GPC5: variants seen among roughly 807,000 people sequenced by gnomAD.
GPC5 encodes glypican-5.
In GPC5, 47 loss-of-function variants were observed where a neutral mutation model predicts 53.9. The observed-to-expected ratio is 0.87, with a 90% CI of 0.69 to 1.11. The LOEUF is 1.11. Ranked by LOEUF, GPC5 falls within the 50% of genes most tolerant of loss-of-function variation. GPC5 has a pLI of 0.00. For missense variants in GPC5, 748 were observed against 713.1 expected (o/e 1.05, Z -0.56); for synonymous variants, 286 against 263.3 (o/e 1.09, Z -0.84).
At chr13:91,617,463 G>C (rs1566556653) in intron 2 of GPC5, among the ~76,000 whole-genome samples, 2 of 152,112 alleles carry the variant, frequency 1.3e-5, no homozygotes, top group African/African-American at 4.8e-5. Flanking sequence ...AGGACATTAG[G>C]TATTAGTGGA....
chr13:92,775,031 TA>T (rs766680770), intron 7 of GPC5, among the ~76,000 whole-genome samples: 2 of 152,224 alleles, frequency 1.3e-5, no homozygotes, highest in Non-Finnish European at 2.9e-5. Flanking sequence ...TCCATTTCTT[TA>T]CATTGAAAAT....
chr13:91,479,229 C>A (rs1374999575), intron 2 of GPC5, among the ~76,000 whole-genome samples: 2 of 151,932 alleles, frequency 1.3e-5, no homozygotes, highest in African/African-American at 4.8e-5. Flanking sequence ...TAATATATTT[C>A]ATTTATAATG....
chr13:92,542,241 T>C (rs142351083), intron 7 of GPC5, among the ~76,000 whole-genome samples: 28 of 152,132 alleles, frequency 1.8e-4, no homozygotes, highest in Non-Finnish European at 2.9e-4. Flanking sequence ...TTGTTAAATG[T>C]AGTCACTCTA....
rs116135223 is a variant in GPC5 at position 92,676,665 on chromosome 13, C to T, written c.1562-189617C>T. Among the ~76,000 whole-genome samples, 1,088 of 152,270 alleles carry T rather than the reference C, an allele frequency of 7.1e-3. 15 individuals carry two copies. The highest frequency in any genetic ancestry group is 0.024 in the African/African-American group (1,014 of 41,546). On this transcript the variant is annotated intron_variant, in intron 7 of 7. Coordinates refer to ENST00000377067, the MANE Select transcript of GPC5 (RefSeq NM_004466.6). ...GTTTGTGGAGACAGGTAGCATTCCA[C>T]AGACCGACATTGAGCCTACCCCACG...
intron 5 of GPC5, among the ~76,000 whole-genome samples, chr13:91,830,753 C>CAT (rs528280048): frequency 8.1e-4 from 112 of 138,660 alleles, no homozygotes; most frequent in African/African-American, 2.8e-3. Flanking sequence ...TAAATATACA[C>CAT]ATATATATAT....
intron 2 of GPC5, among the ~76,000 whole-genome samples, chr13:91,687,211 T>A (rs182372841): frequency 1.2e-4 from 18 of 152,108 alleles, no homozygotes; most frequent in Admixed American, 1.2e-3. Flanking sequence ...CTCTTCGGTT[T>A]CTCTCATTAC....
At chr13:91,649,436 GCA>G (rs1463484890) in intron 2 of GPC5, among the ~76,000 whole-genome samples, 8 of 152,124 alleles carry the variant, frequency 5.3e-5, no homozygotes. Context: ...CTCTTATTCA[GCA>G]CAGTGTCCAG....
chr13:92,749,825 G>C (rs1056990995), intron 7 of GPC5, among the ~76,000 whole-genome samples: 4 of 152,190 alleles, frequency 2.6e-5, no homozygotes, highest in African/African-American at 9.6e-5. Flanking sequence ...CTTATTCAGA[G>C]AATGTAGCTT....
chr13:91,577,466 T>G (rs1186580811), intron 2 of GPC5, among the ~76,000 whole-genome samples: 3 of 152,210 alleles, frequency 2.0e-5, no homozygotes, highest in Admixed American at 1.3e-4. Context: ...CTAGGGTCTG[T>G]GGACTTTGTC....
At chr13:91,692,235 G>C (rs1367423301) in intron 2 of GPC5, among the ~76,000 whole-genome samples, 1 of 152,204 alleles carries the variant, frequency 6.6e-6, no homozygotes, top group East Asian at 1.9e-4. Flanking sequence ...GATTAATAAT[G>C]TGGTCACAAT....
At chr13:92,235,129 T>A (rs551195479) in intron 7 of GPC5, among the ~76,000 whole-genome samples, 1 of 152,312 alleles carries the variant, frequency 6.6e-6, no homozygotes, top group Non-Finnish European at 1.5e-5. Context: ...GAAATTACTT[T>A]TTACCCTCGG....
At chr13:92,196,814 C>CA (rs2042260041) in intron 7 of GPC5, among the ~76,000 whole-genome samples, 1 of 146,438 alleles carries the variant, frequency 6.8e-6, no homozygotes, top group Non-Finnish European at 1.5e-5. Flanking sequence ...CAGGCGCAGA[C>CA]AGAAGCAGAT....
intron 7 of GPC5, among the ~76,000 whole-genome samples, chr13:92,446,215 T>G (rs1487644657): frequency 1.3e-5 from 2 of 151,816 alleles, no homozygotes; most frequent in African/African-American, 4.8e-5. Flanking sequence ...ACCCAATAAT[T>G]ATCCCCATTT....
chr13:91,803,485 A>G (rs2038168174), intron 5 of GPC5, among the ~76,000 whole-genome samples: 1 of 152,048 alleles, frequency 6.6e-6, no homozygotes, highest in Admixed American at 6.6e-5. Flanking sequence ...GTGTGTATGT[A>G]TTGGTTTATG....
intron 3 of GPC5, among the ~76,000 whole-genome samples, chr13:91,718,184 C>T (rs2036385003): frequency 6.6e-6 from 1 of 151,896 alleles, no homozygotes; most frequent in Non-Finnish European, 1.5e-5. Context: ...GATCTCGGCT[C>T]GCTGCAAGCT....
chr13:91,673,088 G>T (rs1436409973), intron 2 of GPC5, among the ~76,000 whole-genome samples: 1 of 152,076 alleles, frequency 6.6e-6, no homozygotes, highest in Non-Finnish European at 1.5e-5. Context: ...TGGGGGTTAG[G>T]GGGTGAGGGG....
At position 92,347,873 on chromosome 13, in the gene GPC5, T is replaced by TG. The variant is rs2043430310; in HGVS notation, c.1561+202884_1561+202885insG. On this transcript the variant is annotated intron_variant, in intron 7 of 7. Transcript: ENST00000377067. ...TTTATACATATATATATTATATATATAATATATATTATATATATTATATAT... is the reference window on the plus strand; with the variant it reads ...TTTATACATATATATATTATATATATGAATATATATTATATATATTATATAT... Among the ~76,000 whole-genome samples the TG allele has an allele frequency of 2.1e-4, 2 of 9,354 alleles. 1 individual carries two copies. The highest frequency in any genetic ancestry group is 2.2e-3 in the African/African-American group (2 of 910). The allele number at this position is 9,354 out of a possible 152,430, so 6.1% of individuals were successfully genotyped here.
intron 7 of GPC5, among the ~76,000 whole-genome samples, chr13:92,393,804 C>T (rs924300101): frequency 2.0e-5 from 3 of 152,238 alleles, no homozygotes; most frequent in Admixed American, 6.5e-5. Flanking sequence ...GTACAGCAAA[C>T]CCCCATGAAA....
At chr13:91,714,304 C>T (rs548565869) in intron 3 of GPC5, among the ~76,000 whole-genome samples, 1 of 152,238 alleles carries the variant, frequency 6.6e-6, no homozygotes, top group South Asian at 2.1e-4. Flanking sequence ...CGGCAACATT[C>T]AGATCACAAT....
Sources: allele counts gnomAD v4.1 joint callset (sites outside exome capture counted in the v4.1 genomes callset), GRCh38; gene constraint gnomAD v4.1.1; transcripts MANE v1.5; gene names NCBI Gene and HGNC (gene_info 2026-07-23, HGNC 2026-07-21).